PACRG: variants seen among roughly 807,000 people sequenced by gnomAD.
The protein encoded by PACRG is parkin coregulated gene protein.
PACRG carries 29 observed loss-of-function variants against 29.7 expected under a neutral mutation model. The observed-to-expected ratio is 0.98, with a 90% CI of 0.73 to 1.33. PACRG has a LOEUF of 1.33. Among genes scored for constraint, PACRG ranks in the 40% most tolerant of loss-of-function variants. The pLI is 0.00. For missense variants in PACRG, 279 were observed against 316.2 expected, an observed-to-expected ratio of 0.88 and a Z score of 0.89; for synonymous variants, 116 against 118.7, an observed-to-expected ratio of 0.98 and a Z score of 0.15.
At chr6:162,748,977 T>C (rs1310558792) in intron 1 of PACRG, among the ~76,000 whole-genome samples, 1 of 152,224 alleles carries the variant, frequency 6.6e-6, no homozygotes, top group African/African-American at 2.4e-5. Context: ...TGATCTGCTT[T>C]CTTTTACTAT....
chr6:162,786,711 G>C (rs758097316), intron 1 of PACRG, among the ~76,000 whole-genome samples: 5 of 146,648 alleles, frequency 3.4e-5, no homozygotes, highest in Admixed American at 1.4e-4. Flanking sequence ...TTGATTGTTT[G>C]AATAGCAAGT....
intron 2 of PACRG, among the ~76,000 whole-genome samples, chr6:163,004,394 G>A (rs962266363): frequency 2.0e-4 from 30 of 151,916 alleles, no homozygotes; most frequent in Non-Finnish European, 4.4e-5. Context: ...ACATGCTGGG[G>A]TTGGCCTCAG....
chr6:162,798,217 G>A (rs1469796006), intron 1 of PACRG, among the ~76,000 whole-genome samples: 1 of 152,110 alleles, frequency 6.6e-6, no homozygotes, highest in Non-Finnish European at 1.5e-5. Flanking sequence ...AATGATGGTT[G>A]CAAGTGTCAT....
intron 2 of PACRG, among the ~76,000 whole-genome samples, chr6:162,967,509 C>CT (rs796970466): frequency 0.017 from 2,409 of 143,032 alleles, 50 homozygotes; most frequent in African/African-American, 0.045. Context: ...TGAACTTTCT[C>CT]TTTTTTTTTT....
chr6:163,165,116 G>A (rs192901172), intron 4 of PACRG, among the ~76,000 whole-genome samples: 8 of 152,262 alleles, frequency 5.3e-5, no homozygotes, highest in East Asian at 1.9e-4. Context: ...CCAAGGACAC[G>A]CATGTGGCAA....
upstream of PACRG, chr6:162,727,357 CG>C (rs1779302472): frequency 5.6e-6 from 2 of 356,050 alleles, no homozygotes; most frequent in African/African-American, 4.5e-5. Context: ...GGACCCCACA[CG>C]GTCCGGGGGA....
intron 1 of PACRG, among the ~76,000 whole-genome samples, chr6:162,795,738 G>A (rs1289644928): frequency 3.9e-5 from 6 of 152,076 alleles, no homozygotes; most frequent in African/African-American, 1.4e-4. Flanking sequence ...AAAATAGTGT[G>A]TTTTCTAATT....
chr6:163,033,998 T>G (rs908837580), intron 2 of PACRG, among the ~76,000 whole-genome samples: 24 of 152,034 alleles, frequency 1.6e-4, no homozygotes, highest in Non-Finnish European at 3.5e-4. Flanking sequence ...GCCTCACAAA[T>G]CCTTTTTTCC....
intron 4 of PACRG, among the ~76,000 whole-genome samples, chr6:163,178,641 G>T (rs963635715): frequency 8.5e-5 from 13 of 152,186 alleles, no homozygotes; most frequent in African/African-American, 3.1e-4. Flanking sequence ...CCAGTATTAT[G>T]TTGAATTTTC....
At chr6:162,734,377 A>G (rs1276975077) in intron 1 of PACRG, among the ~76,000 whole-genome samples, 1 of 152,134 alleles carries the variant, frequency 6.6e-6, no homozygotes, top group African/African-American at 2.4e-5. Context: ...TGATTTTGGA[A>G]GGTATAAATT....
intron 4 of PACRG, among the ~76,000 whole-genome samples, chr6:163,309,666 T>C (rs1028880435): frequency 2.0e-5 from 3 of 152,204 alleles, no homozygotes; most frequent in Non-Finnish European, 2.9e-5. Flanking sequence ...CCCAAGTTAG[T>C]GTTTCCTGGG....
intron 1 of PACRG, among the ~76,000 whole-genome samples, chr6:162,789,111 A>T (rs995211705): frequency 6.6e-6 from 1 of 152,130 alleles, no homozygotes; most frequent in African/African-American, 2.4e-5. Context: ...ATTAAAGTAA[A>T]TATTTGGTCT....
At chr6:163,158,463 T>C (rs893398863) in intron 4 of PACRG, among the ~76,000 whole-genome samples, 4 of 152,134 alleles carry the variant, frequency 2.6e-5, no homozygotes, top group African/African-American at 7.2e-5. Context: ...TCCATTTTTA[T>C]GCAAATAGCC....
At chr6:163,074,887 G>A (rs999163861) in intron 3 of PACRG, among the ~76,000 whole-genome samples, 1 of 152,132 alleles carries the variant, frequency 6.6e-6, no homozygotes, top group Admixed American at 6.6e-5. Context: ...CTACTGGAGT[G>A]GGAGGCTGAG....
chr6:163,291,128 C>A (rs924093235), intron 4 of PACRG, among the ~76,000 whole-genome samples: 8 of 149,182 alleles, frequency 5.4e-5, no homozygotes, highest in Non-Finnish European at 1.2e-4. Flanking sequence ...TCTAGATGAC[C>A]CCTCTGCCCG....
At chr6:163,199,947 T>C (rs1325864836) in intron 4 of PACRG, among the ~76,000 whole-genome samples, 1 of 152,246 alleles carries the variant, frequency 6.6e-6, no homozygotes, top group Non-Finnish European at 1.5e-5. Context: ...TATCACTGCC[T>C]AGAGGAAGGT....
chr6:162,859,270 C>T (rs2128439240), intron 2 of PACRG, among the ~76,000 whole-genome samples: 1 of 152,260 alleles, frequency 6.6e-6, no homozygotes, highest in East Asian at 1.9e-4. Context: ...ATGATAAAAA[C>T]ATCTAATTAT....
rs140397702 is a variant in PACRG at position 163,216,410 on chromosome 6, T to G, written c.614-98417T>G. On this transcript the variant is annotated intron_variant, in intron 4 of 4. Coordinates refer to ENST00000366888, the MANE Select transcript of PACRG (RefSeq NM_001080379.2). ...CAGAAGACAGTAATGAAACCATCGATTCACAGGCTGCTCTCAAGAGAAAAG... is the reference window on the plus strand; with the variant it reads ...CAGAAGACAGTAATGAAACCATCGAGTCACAGGCTGCTCTCAAGAGAAAAG... 1.9e-3 allele frequency among the ~76,000 whole-genome samples: 293 copies of G among 152,194 alleles called. 3 individuals carry two copies. In the East Asian group the frequency reaches 0.047, roughly 24 times the overall value.
chr6:162,733,490 A>T (rs1192498969), intron 1 of PACRG, among the ~76,000 whole-genome samples: 2 of 151,996 alleles, frequency 1.3e-5, no homozygotes, highest in Non-Finnish European at 2.9e-5. Context: ...TCTATTTTGA[A>T]TTTTTTTAAG....
Sources: allele counts gnomAD v4.1 joint callset (sites outside exome capture counted in the v4.1 genomes callset), GRCh38; gene constraint gnomAD v4.1.1; transcripts MANE v1.5; gene names NCBI Gene and HGNC (gene_info 2026-07-23, HGNC 2026-07-21).